The following SDK1 variants were observed in gnomAD, a reference collection of about 807,000 sequenced individuals.
SDK1 encodes the protein sidekick cell adhesion molecule 1.
SDK1 carries 157 observed loss-of-function variants against 245.5 expected under a neutral mutation model. The ratio of observed to expected loss-of-function variants is 0.64; its 90% CI spans 0.56 to 0.73. The LOEUF (loss-of-function observed/expected upper bound fraction) is 0.73, where lower values mean the gene tolerates loss of function less well. Ranked by LOEUF, SDK1 falls within the 30% of genes least tolerant of loss-of-function variation. The pLI is 0.00. For synonymous variants in SDK1, 1,647 were observed against 1,278.5 expected (o/e 1.29, Z -6.15); for missense variants, 3,583 against 3,002.3 (o/e 1.19, Z -4.52).
intron 43 of SDK1, among the ~76,000 whole-genome samples, chr7:4,245,371 G>C (rs981185730): frequency 6.6e-6 from 1 of 152,108 alleles, no homozygotes; most frequent in South Asian, 2.1e-4. Flanking sequence ...CCTCCTATCT[G>C]TCCCGACCTC....
intron 1 of SDK1, among the ~76,000 whole-genome samples, chr7:3,507,401 C>T (rs2128610270): frequency 6.6e-6 from 1 of 152,172 alleles, no homozygotes; most frequent in Non-Finnish European, 1.5e-5. Flanking sequence ...GTAACAAGAC[C>T]ATTGTGCTTT....
chr7:3,522,196 C>CTT (rs1782962233), intron 1 of SDK1, among the ~76,000 whole-genome samples: 1 of 152,032 alleles, frequency 6.6e-6, no homozygotes, highest in African/African-American at 2.4e-5. Context: ...AATGATGCAT[C>CTT]TTTCTCCTCT....
At chr7:3,948,303 G>C (rs1780658987) in intron 5 of SDK1, among the ~76,000 whole-genome samples, 1 of 134,388 alleles carries the variant, frequency 7.4e-6, no homozygotes, top group African/African-American at 2.8e-5. Flanking sequence ...TGTCACCCAG[G>C]CTGGACTGCA....
At chr7:4,228,811 T>A (rs1785583553) in intron 40 of SDK1, among the ~76,000 whole-genome samples, 1 of 152,172 alleles carries the variant, frequency 6.6e-6, no homozygotes, top group South Asian at 2.1e-4. Context: ...GTGCTGAGAT[T>A]ACAGGCGGGA....
intron 4 of SDK1, among the ~76,000 whole-genome samples, chr7:3,753,711 A>T (rs552006975): frequency 2.6e-4 from 40 of 152,276 alleles, no homozygotes; most frequent in Non-Finnish European, 2.6e-4. Context: ...TTTATTATCA[A>T]TGAAATGCAT....
chr7:3,803,429 G>T (rs1178203296), intron 4 of SDK1, among the ~76,000 whole-genome samples: 3 of 151,276 alleles, frequency 2.0e-5, no homozygotes, highest in African/African-American at 7.3e-5. Context: ...TCCCACCTCA[G>T]CCTCCTGAGT....
At chr7:3,544,294 A>G (rs1779148345) in intron 1 of SDK1, among the ~76,000 whole-genome samples, 1 of 152,224 alleles carries the variant, frequency 6.6e-6, no homozygotes, top group Non-Finnish European at 1.5e-5. Context: ...TCCCTTTGCA[A>G]GTTAATTTAG....
At chr7:3,839,559 C>A (rs554568613) in intron 5 of SDK1, among the ~76,000 whole-genome samples, 1 of 152,010 alleles carries the variant, frequency 6.6e-6, no homozygotes, top group African/African-American at 2.4e-5. Context: ...TAAGTTTTCT[C>A]CATGCATACA....
chr7:3,400,738 G>A (rs564759785), intron 1 of SDK1, among the ~76,000 whole-genome samples: 1 of 152,152 alleles, frequency 6.6e-6, no homozygotes, highest in East Asian at 1.9e-4. Flanking sequence ...GGATTCTTAT[G>A]GCGTAATTAA....
At chr7:3,857,572 A>G (rs998153395) in intron 5 of SDK1, among the ~76,000 whole-genome samples, 7 of 152,022 alleles carry the variant, frequency 4.6e-5, no homozygotes, top group Admixed American at 1.3e-4. Flanking sequence ...CTGTAGTTCC[A>G]GCTTCTTGAG....
intron 22 of SDK1, among the ~76,000 whole-genome samples, chr7:4,090,628 A>G (rs1298126779): frequency 6.6e-6 from 1 of 152,102 alleles, no homozygotes; most frequent in Non-Finnish European, 1.5e-5. Context: ...CTGGCACAAG[A>G]TGTTCCCAAC....
At chr7:4,163,996 G>A (rs1781336320) in intron 32 of SDK1, among the ~76,000 whole-genome samples, 1 of 152,194 alleles carries the variant, frequency 6.6e-6, no homozygotes, top group Non-Finnish European at 1.5e-5. Flanking sequence ...TGTCCATGGA[G>A]GTGTGCGGGG....
At chr7:3,621,040 C>A (rs1781922639) in intron 2 of SDK1, among the ~76,000 whole-genome samples, 1 of 152,116 alleles carries the variant, frequency 6.6e-6, no homozygotes, top group African/African-American at 2.4e-5. Context: ...ATGAGCCCTC[C>A]CCTCCCGTAA....
chr7:3,810,910 G>C (rs1411081301), intron 4 of SDK1, among the ~76,000 whole-genome samples: 1 of 152,180 alleles, frequency 6.6e-6, no homozygotes, highest in Non-Finnish European at 1.5e-5. Flanking sequence ...GATGGGCTTT[G>C]TTTTAGGTAA....
rs545570524 is a variant in SDK1 at position 4,204,646 on chromosome 7, C to T, written c.5099-1233C>T. Among the ~76,000 whole-genome samples, 4 of 152,242 alleles carry T rather than the reference C, an allele frequency of 2.6e-5. 1 individual carries two copies. The highest frequency in any genetic ancestry group is 9.6e-5 in the African/African-American group (4 of 41,560). On this transcript the variant is annotated intron_variant, in intron 35 of 44. Transcript: ENST00000404826. The stretch of plus-strand genomic sequence containing the variant: ...ACAGCGACTGTTTTATCGTCTCCAT[C>T]GATGGTCCGTAAAGACACTCAGTCA...
At chr7:3,391,146 G>T (rs2128570180) in intron 1 of SDK1, among the ~76,000 whole-genome samples, 1 of 152,232 alleles carries the variant, frequency 6.6e-6, no homozygotes, top group East Asian at 1.9e-4. Flanking sequence ...ATCAAGAGGG[G>T]ACAAAAATGG....
chr7:3,698,362 G>C (rs1015623430), intron 4 of SDK1, among the ~76,000 whole-genome samples: 1 of 152,140 alleles, frequency 6.6e-6, no homozygotes, highest in Admixed American at 6.5e-5. Flanking sequence ...CACGGTATTG[G>C]AGAGAGCACC....
chr7:4,210,065 C>T lies in SDK1; in HGVS notation c.5442C>T (p.Thr1814=), dbSNP rs1245480345. Residue 1814 remains threonine, a synonymous_variant, in exon 38 of 45, where the codon ACC becomes ACT. Transcript: ENST00000404826. ...APSFLAFSEI[T]STTLNVSWGE... is the part of the protein sequence containing the mutation. ...GCTTTCTGGCGTTCTCAGAAATAAC[C>T]TCCACCACGCTCAACGTGTCCTGGG... is the stretch of plus-strand genomic sequence containing the variant. 1 of 1,605,354 alleles carries T rather than the reference C, an allele frequency of 6.2e-7. No homozygotes were observed. Among genetic ancestry groups the T allele is most frequent in the Admixed American group, 1.7e-5 (1 of 57,622 alleles).
intron 4 of SDK1, among the ~76,000 whole-genome samples, chr7:3,776,909 G>GT (rs1780581674): frequency 6.6e-6 from 1 of 152,112 alleles, no homozygotes; most frequent in Non-Finnish European, 1.5e-5. Flanking sequence ...AACATGCAGA[G>GT]AACTGTATCA....
Sources: gnomAD v4.1 joint callset for allele counts (sites outside exome capture counted in the v4.1 genomes callset) on GRCh38, gnomAD v4.1.1 for gene constraint, MANE v1.5 for transcripts, NCBI Gene and HGNC (gene_info 2026-07-23, HGNC 2026-07-21) for gene names.